NFIC: variants seen among roughly 807,000 people sequenced by gnomAD.
The protein encoded by NFIC is nuclear factor 1 C-type.
NFIC carries 12 observed loss-of-function variants against 54.4 expected under a neutral mutation model. The observed-to-expected ratio is 0.22, with a 90% confidence interval of 0.14 to 0.36. The LOEUF (loss-of-function observed/expected upper bound fraction) is 0.36, where lower values mean the gene tolerates loss of function less well. NFIC is among the 10% of genes least tolerant of loss of function. The pLI is 1.00. For missense variants in NFIC, 575 were observed against 718.2 expected (o/e 0.80, Z 2.28); for synonymous variants, 322 against 319.2 (o/e 1.01, Z -0.09).
intron 2 of NFIC, among the ~76,000 whole-genome samples, chr19:3,384,693 C>G (rs922479546): frequency 3.9e-5 from 6 of 152,134 alleles, no homozygotes; most frequent in African/African-American, 1.2e-4. Context: ...CCGGCAGTTA[C>G]CCAGTCTTGA....
At chr19:3,447,191 C>T (rs911437043) in intron 6 of NFIC, among the ~76,000 whole-genome samples, 9 of 142,012 alleles carry the variant, frequency 6.3e-5, no homozygotes, top group East Asian at 2.0e-4. Context: ...CCCAGCTACT[C>T]GGGAGGCTGA....
rs538044263 is a variant in NFIC at position 3,464,202 on chromosome 19, C to T, written c.*1433C>T. 19 of 985,370 alleles carry T rather than the reference C, an allele frequency of 1.9e-5. No individual in the cohort carries two copies. The African/African-American group carries it at 3.3e-4, about 17-fold the overall frequency. The allele number at this position is 985,370 out of a possible 1,614,324, so 61.0% of individuals were successfully genotyped here. On this transcript the variant is annotated 3_prime_UTR_variant, in exon 11 of 11. Transcript: ENST00000443272. Reference sequence around the variant, plus strand: ...CCCGACGCGGGGCCCAGCTGCGGGACGTGCATCACGGCTGGGCCCCCAGAG... The same window carrying T: ...CCCGACGCGGGGCCCAGCTGCGGGATGTGCATCACGGCTGGGCCCCCAGAG...
In NFIC at chr19:3,381,803, A is replaced by G; in HGVS notation, c.122A>G (p.Tyr41Cys). 1 of 1,613,988 alleles carries G rather than the reference A, an allele frequency of 6.2e-7. No homozygotes were observed. The highest frequency in any genetic ancestry group is 8.5e-7 in the Non-Finnish European group (1 of 1,179,968). ...WFNLQARKRK[Y>C]FKKHEKRMSK... ...AACCTGCAGGCGCGGAAGCGCAAGT[A>G]CTTCAAGAAGCACGAGAAGCGGATG... is the stretch of plus-strand genomic sequence containing the variant. The change falls in exon 2 of 11, where the codon TAC becomes TGC. Residue 41 changes from tyrosine to cysteine, a missense_variant. Around this residue, in one of 3 missense-constraint regions of NFIC, gnomAD observed 122 missense variants for 158.0 expected, o/e 0.77. Coordinates refer to ENST00000443272, the MANE Select transcript of NFIC (RefSeq NM_001245002.2).
At chr19:3,437,220 T>C (rs2082217193) in intron 6 of NFIC, among the ~76,000 whole-genome samples, 1 of 151,672 alleles carries the variant, frequency 6.6e-6, no homozygotes, top group Non-Finnish European at 1.5e-5. Flanking sequence ...ACAAAAAAAA[T>C]AGCCGGGCGT....
chr19:3,425,359 C>T (rs1441248193), intron 3 of NFIC, among the ~76,000 whole-genome samples, 182 bp downstream of exon 3: 2 of 152,262 alleles, frequency 1.3e-5, no homozygotes, highest in African/African-American at 4.8e-5. Context: ...ACTCTGAGCT[C>T]CCAGCTTCTG....
chr19:3,424,072 G>A (rs1419568163), intron 2 of NFIC, among the ~76,000 whole-genome samples: 1 of 152,058 alleles, frequency 6.6e-6, no homozygotes, highest in African/African-American at 2.4e-5. Flanking sequence ...TTGTCGCCCA[G>A]ACTGGAGTGC....
intron 2 of NFIC, among the ~76,000 whole-genome samples, chr19:3,419,684 A>T (rs1351443219): frequency 6.6e-6 from 1 of 152,012 alleles, no homozygotes; most frequent in Non-Finnish European, 1.5e-5. Flanking sequence ...CTGTAATCTC[A>T]GCTACTTAGG....
At position 3,370,933 on chromosome 19, in the gene NFIC, T is replaced by A. The variant is rs2080996803; in HGVS notation, c.30+4267T>A. 1.3e-5 allele frequency among the ~76,000 whole-genome samples: 2 copies of A among 152,152 alleles called. No homozygotes were observed. The highest frequency in any genetic ancestry group is 4.8e-5 in the African/African-American group (2 of 41,432). On this transcript the variant is annotated intron_variant, in intron 1 of 10. Coordinates refer to ENST00000443272, the MANE Select transcript of NFIC (RefSeq NM_001245002.2). The surrounding 1 kb of genome is among the most constrained non-coding windows in gnomAD (Gnocchi z 5.2). Reference sequence around the variant, plus strand: ...TGCGGGCACCCAAGTCCTGACCAGTTCACATCCATGAGCACACGCTGGGCG... The same window carrying A: ...TGCGGGCACCCAAGTCCTGACCAGTACACATCCATGAGCACACGCTGGGCG...
At chr19:3,437,658 A>C (rs1017209634) in intron 6 of NFIC, among the ~76,000 whole-genome samples, 2 of 149,246 alleles carry the variant, frequency 1.3e-5, no homozygotes, top group Admixed American at 1.3e-4. Flanking sequence ...AGAAAAAAAA[A>C]GTCACTTCTG....
At chr19:3,425,245 A>G (rs2082009842) in intron 3 of NFIC, 68 bp downstream of exon 3, 1 of 1,508,700 alleles carries the variant, frequency 6.6e-7, no homozygotes, top group South Asian at 1.2e-5. Context: ...TTTATTTGGG[A>G]ATCATTTGCT....
At chr19:3,403,278 G>T (rs550286183) in intron 2 of NFIC, among the ~76,000 whole-genome samples, 4 of 152,144 alleles carry the variant, frequency 2.6e-5, no homozygotes, top group African/African-American at 9.7e-5. Context: ...CTGGTTTCCA[G>T]CCCCCTCCCA....
At position 3,435,028 on chromosome 19, in the gene NFIC, C is replaced by T. The variant is rs1464449735; in HGVS notation, c.834-55C>T. ...GGAAGTAGCAAAGCCCGCCGTCGCG[C>T]CCCCCGCCCCGCGTCTCCCTGGTAA... On this transcript the variant is annotated intron_variant, in intron 5 of 10. Transcript: ENST00000443272. 8.7e-6 allele frequency: 13 copies of T among 1,501,078 alleles called. 1 individual carries two copies. The highest frequency in any genetic ancestry group is 2.5e-5 in the East Asian group (1 of 39,314). 93.0% of individuals were successfully genotyped at this position (1,501,078 alleles called of 1,614,324 possible).
chr19:3,401,816 G>T (rs2081561411), intron 2 of NFIC, among the ~76,000 whole-genome samples: 1 of 151,836 alleles, frequency 6.6e-6, no homozygotes, highest in African/African-American at 2.4e-5. Context: ...CTGCCTCACA[G>T]GTTTAAGAGA....
At chr19:3,371,881 C>CCT (rs1211785700) in intron 1 of NFIC, among the ~76,000 whole-genome samples, 13 of 99,912 alleles carry the variant, frequency 1.3e-4, no homozygotes, top group African/African-American at 4.6e-4. Flanking sequence ...TTCTTTCTCT[C>CCT]TCCTTCCTTC....
At chr19:3,442,531 C>T (rs139203342) in intron 6 of NFIC, among the ~76,000 whole-genome samples, 9,508 of 152,136 alleles carry the variant, frequency 0.062, 312 homozygotes, top group Middle Eastern at 0.11. Context: ...GGACTACAGG[C>T]GCCTGCCACC....
intron 10 of NFIC, among the ~76,000 whole-genome samples, chr19:3,461,437 A>G (rs908063492): frequency 6.6e-6 from 1 of 151,324 alleles, no homozygotes; most frequent in African/African-American, 2.4e-5. Flanking sequence ...TAAAATAATA[A>G]ATTGGCTGGC....
At chr19:3,403,622 C>T (rs1257298393) in intron 2 of NFIC, among the ~76,000 whole-genome samples, 1 of 152,222 alleles carries the variant, frequency 6.6e-6, no homozygotes, top group Non-Finnish European at 1.5e-5. Context: ...TGAAGCCACA[C>T]AGCACCGGGC....
Position 3,464,518 on chromosome 19 carries a change from C to G in NFIC, c.*1749C>G. ...GCCACCGAGCTCAAACACAAGGACC[C>G]CTCCCCGGCCCACCCAGCCCAGCCC... On this transcript the variant is annotated 3_prime_UTR_variant, in exon 11 of 11. Transcript: ENST00000443272. 2 of 976,628 alleles carry G rather than the reference C, an allele frequency of 2.0e-6. No homozygotes were observed. The highest frequency in any genetic ancestry group is 1.2e-6 in the Non-Finnish European group (1 of 823,480). The allele number at this position is 976,628 out of a possible 1,614,324, so 60.5% of individuals were successfully genotyped here.
At chr19:3,443,154 C>G (rs1192690108) in intron 6 of NFIC, among the ~76,000 whole-genome samples, 2 of 152,194 alleles carry the variant, frequency 1.3e-5, no homozygotes, top group African/African-American at 4.8e-5. Context: ...AAAATTGAGG[C>G]TGAGTGTGGT....
Sources: allele counts gnomAD v4.1 joint callset (sites outside exome capture counted in the v4.1 genomes callset), GRCh38; gene constraint gnomAD v4.1.1; regional missense constraint gnomAD v4.1.1; non-coding constraint Gnocchi (gnomAD v3.1); transcripts MANE v1.5; gene names NCBI Gene and HGNC (gene_info 2026-07-23, HGNC 2026-07-21).